CDC42SE2: variants seen among roughly 807,000 people sequenced by gnomAD.
CDC42SE2 encodes the protein CDC42 small effector protein 2.
A neutral mutation model predicts 11.5 loss-of-function variants in CDC42SE2; 3 were observed. The ratio of observed to expected loss-of-function variants is 0.26; its 90% confidence interval spans 0.12 to 0.67. The LOEUF is 0.67. Ranked by LOEUF, CDC42SE2 falls within the 30% of genes least tolerant of loss-of-function variation. The pLI is 0.80. For synonymous variants in CDC42SE2, 33 were observed against 34.8 expected (o/e 0.95, Z 0.18); for missense variants, 82 against 106.8 (o/e 0.77, Z 1.02).
At chr5:131,286,684 A>G (rs998995358) in intron 1 of CDC42SE2, among the ~76,000 whole-genome samples, 1 of 151,964 alleles carries the variant, frequency 6.6e-6, no homozygotes, top group Non-Finnish European at 1.5e-5. Context: ...CTTGAAGATG[A>G]TAAGGATGAA....
intron 2 of CDC42SE2, among the ~76,000 whole-genome samples, chr5:131,256,003 C>T (rs1209464440): frequency 1.3e-5 from 2 of 152,140 alleles, no homozygotes; most frequent in African/African-American, 4.8e-5. Flanking sequence ...AAAACAAACC[C>T]ATATCCGCCT....
At chr5:131,224,924 A>G in the CDC42SE2 span, among the ~76,000 whole-genome samples, 6 of 151,890 alleles carry the variant, frequency 4.0e-5, no homozygotes, top group South Asian at 4.1e-4. Flanking sequence ...GCAGCAGCCC[A>G]TGTGGGGGTG....
the CDC42SE2 span, among the ~76,000 whole-genome samples, chr5:131,229,813 A>C: frequency 6.6e-6 from 1 of 152,196 alleles, no homozygotes; most frequent in Non-Finnish European, 1.5e-5. Flanking sequence ...ACGAGCCTGT[A>C]GTCCCAGCTA....
At chr5:131,388,958 C>G (rs1352643940) in intron 4 of CDC42SE2, among the ~76,000 whole-genome samples, 3 of 152,066 alleles carry the variant, frequency 2.0e-5, no homozygotes, top group South Asian at 2.1e-4. Context: ...TCAGCCTCCC[C>G]CAGTAGCTGG....
chr5:131,380,908 TCTC>T (rs1202870094), intron 3 of CDC42SE2, among the ~76,000 whole-genome samples: 2 of 152,148 alleles, frequency 1.3e-5, no homozygotes, highest in Non-Finnish European at 1.5e-5. Context: ...CAGCGTGTCT[TCTC>T]CTCCTATTAC....
chr5:131,337,411 G>C (rs757794993), intron 2 of CDC42SE2, among the ~76,000 whole-genome samples: 1 of 152,250 alleles, frequency 6.6e-6, no homozygotes, highest in Non-Finnish European at 1.5e-5. Flanking sequence ...GGCTGCTCGT[G>C]GGTCAGGGAC....
the CDC42SE2 span, among the ~76,000 whole-genome samples, chr5:131,220,868 G>T: frequency 6.7e-6 from 1 of 148,728 alleles, no homozygotes; most frequent in African/African-American, 2.5e-5. Flanking sequence ...GTCTATAGGA[G>T]TACCTCACCA....
At chr5:131,270,205 TCTA>T (rs917631402) in intron 1 of CDC42SE2, among the ~76,000 whole-genome samples, 3 of 151,816 alleles carry the variant, frequency 2.0e-5, no homozygotes, top group Non-Finnish European at 4.4e-5. Context: ...AAACCCCATC[TCTA>T]CTAAAAGATA....
chr5:131,335,923 A>G (rs751310704), intron 2 of CDC42SE2, among the ~76,000 whole-genome samples: 8 of 152,024 alleles, frequency 5.3e-5, no homozygotes, highest in African/African-American at 1.7e-4. Flanking sequence ...TCTTTATCCA[A>G]TTTGCCAGTC....
chr5:131,287,675 T>C, intron 1 of CDC42SE2, among the ~76,000 whole-genome samples: 1 of 151,924 alleles, frequency 6.6e-6, no homozygotes, highest in Non-Finnish European at 1.5e-5. Context: ...GGCTCCGCCA[T>C]GTTGCCCAGG....
At chr5:131,312,676 G>C (rs1005058924) in intron 1 of CDC42SE2, among the ~76,000 whole-genome samples, 1 of 152,218 alleles carries the variant, frequency 6.6e-6, no homozygotes, top group African/African-American at 2.4e-5. Context: ...GAAAAGCACA[G>C]TATTTGGGTG....
chr5:131,381,589 C>T (rs1580789208), intron 3 of CDC42SE2, among the ~76,000 whole-genome samples: 2 of 152,226 alleles, frequency 1.3e-5, no homozygotes, highest in African/African-American at 2.4e-5. Flanking sequence ...TCCCAAAGTG[C>T]TGGGATTACA....
In CDC42SE2 at chr5:131,391,965, T is replaced by G. The variant is rs1039463343; in HGVS notation, c.*874T>G. ...CCCTGTCGTGATTATTCCAGTGAGATGTTACTGTTCTGCTCTGAAGAAGAT... is the reference window on the plus strand; with the variant it reads ...CCCTGTCGTGATTATTCCAGTGAGAGGTTACTGTTCTGCTCTGAAGAAGAT... On this transcript the variant is annotated 3_prime_UTR_variant, in exon 5 of 5. Transcript: ENST00000505065. 2 of 152,282 alleles carry G rather than the reference T, an allele frequency of 1.3e-5. No individual in the cohort carries two copies. The highest frequency in any genetic ancestry group is 3.8e-4 in the East Asian group (2 of 5,326). 9.4% of individuals were successfully genotyped at this position (152,282 alleles called of 1,614,324 possible).
intron 3 of CDC42SE2, among the ~76,000 whole-genome samples, chr5:131,381,676 CTG>C (rs1750332338): frequency 6.6e-6 from 1 of 152,202 alleles, no homozygotes; most frequent in Non-Finnish European, 1.5e-5. Context: ...CCACTTCTAT[CTG>C]TGTTATTAGT....
intron 2 of CDC42SE2, among the ~76,000 whole-genome samples, chr5:131,258,988 A>G (rs987972251): frequency 6.6e-6 from 1 of 152,204 alleles, no homozygotes; most frequent in Non-Finnish European, 1.5e-5. Context: ...AGTGTAAAGC[A>G]AAGTTTGACT....
intron 1 of CDC42SE2, among the ~76,000 whole-genome samples, chr5:131,277,854 T>A (rs1439848954): frequency 2.6e-5 from 4 of 152,214 alleles, no homozygotes; most frequent in Non-Finnish European, 5.9e-5. Flanking sequence ...ATGTGTTTTT[T>A]AAAATTAATT....
chr5:131,273,763 G>A (rs1445270003), intron 1 of CDC42SE2, among the ~76,000 whole-genome samples: 3 of 146,274 alleles, frequency 2.1e-5, no homozygotes, highest in Admixed American at 6.8e-5. Flanking sequence ...CAGAGACTCC[G>A]TCTCAAAAAA....
At chr5:131,370,327 T>A (rs1429286855) in intron 3 of CDC42SE2, among the ~76,000 whole-genome samples, 1 of 152,176 alleles carries the variant, frequency 6.6e-6, no homozygotes, top group Non-Finnish European at 1.5e-5. Context: ...AAAATAAATA[T>A]GGCAAATGAG....
At chr5:131,294,532 A>G (rs995894318) in intron 1 of CDC42SE2, among the ~76,000 whole-genome samples, 4 of 152,254 alleles carry the variant, frequency 2.6e-5, no homozygotes, top group Non-Finnish European at 5.9e-5. Flanking sequence ...TAGTTGATGT[A>G]GACAAGCAAC....
Sources: gnomAD v4.1 joint callset for allele counts (sites outside exome capture counted in the v4.1 genomes callset) on GRCh38, gnomAD v4.1.1 for gene constraint, MANE v1.5 for transcripts, NCBI Gene and HGNC (gene_info 2026-07-23, HGNC 2026-07-21) for gene names.